The following MRTFB variants were observed in gnomAD, a reference collection of about 807,000 sequenced individuals.
MRTFB encodes the protein myocardin-related transcription factor B.
In MRTFB, 29 loss-of-function variants were observed where a neutral mutation model predicts 104.2. The ratio of observed to expected loss-of-function variants is 0.28; its 90% CI spans 0.21 to 0.38. The LOEUF (loss-of-function observed/expected upper bound fraction) is 0.38, where lower values mean the gene tolerates loss of function less well. Ranked by LOEUF, MRTFB falls within the 10% of genes least tolerant of loss-of-function variation. The pLI, the probability that MRTFB is intolerant of heterozygous loss-of-function variation, is 1.00. For synonymous variants in MRTFB, 535 were observed against 519.5 expected (o/e 1.03, Z -0.41); for missense variants, 1,270 against 1,341.6 (o/e 0.95, Z 0.83).
intron 3 of MRTFB, chr16:14,150,719 A>T (rs1160499216): frequency 6.6e-6 from 1 of 152,348 alleles, no homozygotes; most frequent in African/African-American, 2.4e-5. Context: ...ACAGTATTTT[A>T]CTGTATTTAT....
chr16:14,164,221 C>G (rs2039147747), intron 3 of MRTFB, among the ~76,000 whole-genome samples: 1 of 152,170 alleles, frequency 6.6e-6, no homozygotes, highest in African/African-American at 2.4e-5. Flanking sequence ...CCCACACTGC[C>G]ACACCCTTCT....
intron 2 of MRTFB, among the ~76,000 whole-genome samples, chr16:14,127,930 T>TATATATATATATATATATATATA (rs1491428460): frequency 9.5e-5 from 3 of 31,688 alleles, no homozygotes; most frequent in African/African-American, 5.4e-4. Flanking sequence ...TATATATATA[T>TATATATATATATATATATATATA]TTTTTTTTTT....
chr16:14,219,040 CTTG>C, intron 8 of MRTFB, 42 bp downstream of exon 8: 1 of 1,521,934 alleles, frequency 6.6e-7, no homozygotes. Context: ...AAGAAAATGC[CTTG>C]TTTTTTTTTA....
chr16:14,043,874 C>T, the MRTFB span, among the ~76,000 whole-genome samples: 2 of 152,198 alleles, frequency 1.3e-5, no homozygotes, highest in African/African-American at 4.8e-5. Context: ...CCTCTAAGAA[C>T]TCACCATCAA....
intron 3 of MRTFB, among the ~76,000 whole-genome samples, chr16:14,156,854 C>G (rs1043622140): frequency 2.0e-5 from 3 of 152,104 alleles, no homozygotes; most frequent in Admixed American, 1.3e-4. Context: ...TAAATGGGAA[C>G]TTTCTTGTCA....
At chr16:14,013,683 A>G in the MRTFB span, among the ~76,000 whole-genome samples, 1 of 152,332 alleles carries the variant, frequency 6.6e-6, no homozygotes, top group African/African-American at 2.4e-5. Flanking sequence ...TCTCTTGGCC[A>G]TTGGACTGGA....
At chr16:14,044,813 A>G in the MRTFB span, among the ~76,000 whole-genome samples, 8 of 152,224 alleles carry the variant, frequency 5.3e-5, no homozygotes, top group South Asian at 1.5e-3. Context: ...AGAGAACCCA[A>G]TGTTTCGGAA....
chr16:14,176,076 C>T (rs1003524695), intron 3 of MRTFB, among the ~76,000 whole-genome samples: 2 of 152,142 alleles, frequency 1.3e-5, no homozygotes, highest in African/African-American at 2.4e-5. Flanking sequence ...AATGGATGCA[C>T]CTTATCATCT....
intron 3 of MRTFB, among the ~76,000 whole-genome samples, chr16:14,194,593 G>T (rs1412889762): frequency 6.6e-6 from 1 of 152,004 alleles, no homozygotes; most frequent in Non-Finnish European, 1.5e-5. Flanking sequence ...TAAGGTACAA[G>T]ATTTCTTATA....
chr16:14,182,198 T>C (rs7204501), intron 3 of MRTFB, among the ~76,000 whole-genome samples: 35,673 of 152,050 alleles, frequency 0.23, 7,901 homozygotes, highest in African/African-American at 0.57. Context: ...CCTAATTCAT[T>C]CCAAAAGGCA....
chr16:14,200,238 T>TA, intron 3 of MRTFB: 1 of 1,351,982 alleles, frequency 7.4e-7, no homozygotes, highest in Non-Finnish European at 1.0e-6. Context: ...AGTATATGAA[T>TA]AATACATCCA....
At chr16:14,245,811 A>G (rs2042986862) in intron 11 of MRTFB, 151 bp downstream of exon 11, 2 of 917,832 alleles carry the variant, frequency 2.2e-6, no homozygotes, top group Non-Finnish European at 3.1e-6. Flanking sequence ...TTTTCTTTTT[A>G]CTTCCACTAA....
At chr16:14,032,524 T>C in the MRTFB span, among the ~76,000 whole-genome samples, 1 of 152,186 alleles carries the variant, frequency 6.6e-6, no homozygotes, top group Non-Finnish European at 1.5e-5. Context: ...TTTTTTTCTT[T>C]TTGCTGCAAG....
intron 10 of MRTFB, among the ~76,000 whole-genome samples, chr16:14,243,877 T>TTTTTTTTTTTTTTTTTTTTTG (rs2042894087): frequency 6.8e-5 from 10 of 147,634 alleles, no homozygotes; most frequent in African/African-American, 2.1e-4. Flanking sequence ...TTTTTTTTTT[T>TTTTTTTTTTTTTTTTTTTTTG]GAGACAGAGT....
intron 2 of MRTFB, among the ~76,000 whole-genome samples, chr16:14,104,690 G>A (rs1461283447): frequency 1.3e-5 from 2 of 152,176 alleles, no homozygotes; most frequent in Admixed American, 1.3e-4. Context: ...TGTGAGAAAG[G>A]TTTTTAAAAC....
chr16:14,059,505 A>G, the MRTFB span, among the ~76,000 whole-genome samples: 1 of 152,146 alleles, frequency 6.6e-6, no homozygotes, highest in Admixed American at 6.6e-5. Context: ...ACCCAAGGAC[A>G]GGACGACAAG....
Position 14,210,262 on chromosome 16 carries a change from A to G in MRTFB, c.174A>G (p.Gln58=). 6.2e-7 allele frequency: 1 copy of G among 1,613,390 alleles called. No individual in the cohort carries two copies. Among genetic ancestry groups the G allele is most frequent in the Non-Finnish European group, 8.5e-7 (1 of 1,179,584 alleles). ...TCACAGTGCTCCAGCTGAGGCTGCA[A>G]CAAAGGAGGACGAGAGAACAACTAG... is the stretch of plus-strand genomic sequence containing the variant. ...ERKNVLQLRL[Q]QRRTREQLVD... is the part of the protein sequence containing the mutation. The change falls in exon 4 of 17, where the codon CAA becomes CAG. Residue 58 remains glutamine (Q), a synonymous_variant. Coordinates refer to ENST00000571589, the MANE Select transcript of MRTFB (RefSeq NM_001308142.2).
intron 2 of MRTFB, among the ~76,000 whole-genome samples, chr16:14,109,274 T>TA (rs1428297475): frequency 1.3e-5 from 2 of 152,108 alleles, no homozygotes; most frequent in African/African-American, 4.8e-5. Flanking sequence ...TTTACACGCA[T>TA]AAAAATAAAC....
intron 2 of MRTFB, among the ~76,000 whole-genome samples, chr16:14,083,790 G>A (rs1222242451): frequency 6.6e-6 from 1 of 152,160 alleles, no homozygotes; most frequent in Admixed American, 6.5e-5. Context: ...ATAGTTGTTC[G>A]AATTGATGTT....
Sources: allele counts gnomAD v4.1 joint callset (sites outside exome capture counted in the v4.1 genomes callset), GRCh38; gene constraint gnomAD v4.1.1; transcripts MANE v1.5; gene names NCBI Gene and HGNC (gene_info 2026-07-23, HGNC 2026-07-21).